ABL2: variants seen among roughly 807,000 people sequenced by gnomAD.
ABL2 encodes ABL proto-oncogene 2, non-receptor tyrosine kinase.
ABL2 carries 49 observed loss-of-function variants against 107.7 expected under a neutral mutation model. The observed-to-expected ratio is 0.45, with a 90% CI of 0.36 to 0.58. ABL2 has a LOEUF of 0.58. ABL2 is among the 20% of genes least tolerant of loss of function. The pLI is 0.00. For synonymous variants in ABL2, 549 were observed against 548.6 expected (o/e 1.00, Z -0.01); for missense variants, 1,245 against 1,457.0 (o/e 0.85, Z 2.37).
intron 1 of ABL2, among the ~76,000 whole-genome samples, chr1:179,149,767 T>C (rs1658250079): frequency 6.6e-6 from 1 of 152,248 alleles, no homozygotes; most frequent in African/African-American, 2.4e-5. Flanking sequence ...AAGCCCACTG[T>C]TGAGACCTAC....
chr1:179,201,768 A>G, intron 1 of ABL2: 2 of 863,274 alleles, frequency 2.3e-6, no homozygotes, highest in South Asian at 2.7e-5. Flanking sequence ...CAATAGGGAA[A>G]ATTATATCCA....
At chr1:179,149,424 G>A (rs1419700129) in intron 1 of ABL2, among the ~76,000 whole-genome samples, 1 of 152,218 alleles carries the variant, frequency 6.6e-6, no homozygotes, top group Non-Finnish European at 1.5e-5. Flanking sequence ...GCTGCAGCAA[G>A]TAAGAAAATC....
chr1:179,193,339 C>T (rs890250221), intron 1 of ABL2, among the ~76,000 whole-genome samples: 1 of 151,620 alleles, frequency 6.6e-6, no homozygotes, highest in Non-Finnish European at 1.5e-5. Context: ...AAATCAGTAA[C>T]TCAAACCAGC....
intron 9 of ABL2, among the ~76,000 whole-genome samples, chr1:179,113,140 C>T (rs976241912): frequency 2.3e-4 from 35 of 152,128 alleles, no homozygotes; most frequent in African/African-American, 6.5e-4. Context: ...TTTTGAACTC[C>T]TGAGCTCAAG....
chr1:179,197,777 G>A (rs1165177183), intron 1 of ABL2, among the ~76,000 whole-genome samples: 1 of 151,494 alleles, frequency 6.6e-6, no homozygotes, highest in African/African-American at 2.4e-5. Flanking sequence ...GCTAAGACAG[G>A]AGAATTGCTT....
intron 1 of ABL2, among the ~76,000 whole-genome samples, chr1:179,154,209 C>A (rs1484348518): frequency 6.6e-6 from 1 of 152,214 alleles, no homozygotes; most frequent in Non-Finnish European, 1.5e-5. Flanking sequence ...ATAATCCCCA[C>A]AAGTTCCCCA....
rs768551480 is a variant in ABL2 at position 179,109,030 on chromosome 1, G to A, written c.2237C>T (p.Ser746Phe). 1.9e-6 allele frequency: 3 copies of A among 1,612,618 alleles called. No individual in the cohort carries two copies. Among genetic ancestry groups the A allele is most frequent in the Non-Finnish European group, 2.5e-6 (3 of 1,179,892 alleles). The change falls in exon 12 of 12, where the codon TCT (serine) becomes TTT (phenylalanine). Residue 746 changes from serine (S) to phenylalanine (F), a missense_variant. Ser to Phe is a radical substitution (Grantham distance 155). This residue lies in a region of ABL2 where 761 missense variants were observed against 766.4 expected (regional missense o/e 0.99). Coordinates refer to ENST00000502732, the MANE Select transcript of ABL2 (RefSeq NM_007314.4). ...GGSGTAGGGW[S>F]GITGFFTPRL... ...TGGTGTAAAGAAGCCTGTGATGCCA[G>A]ACCACCCACCCCCAGCAGTGCCACT...
At chr1:179,200,121 A>C (rs181468323) in intron 1 of ABL2, among the ~76,000 whole-genome samples, 1 of 143,286 alleles carries the variant, frequency 7.0e-6, no homozygotes, top group East Asian at 2.0e-4. Flanking sequence ...GCCTTGGCTC[A>C]CTGCAACCTC....
At chr1:179,194,006 A>G (rs1661168443) in intron 1 of ABL2, among the ~76,000 whole-genome samples, 1 of 152,126 alleles carries the variant, frequency 6.6e-6, no homozygotes, top group Non-Finnish European at 1.5e-5. Flanking sequence ...TTTTCTTCCT[A>G]AGTACTGGAG....
chr1:179,122,292 A>T (rs1035183835), intron 4 of ABL2, among the ~76,000 whole-genome samples: 84 of 151,604 alleles, frequency 5.5e-4, no homozygotes, highest in African/African-American at 1.8e-3. Flanking sequence ...AAAAAAAAAA[A>T]AAAAAAATAT....
chr1:179,109,261 C>T lies in ABL2; in HGVS notation c.2006G>A (p.Ser669Asn). The T allele has an allele frequency of 6.2e-7, 1 of 1,614,060 alleles. No individual in the cohort carries two copies. The highest frequency in any genetic ancestry group is 8.5e-7 in the Non-Finnish European group (1 of 1,179,984). The change falls in exon 12 of 12, where the codon AGC becomes AAC. Residue 669 changes from serine (S) to asparagine (N), a missense_variant. Physicochemically the swap from Ser to Asn is conservative, Grantham distance 46. This residue lies in a region of ABL2 where 761 missense variants were observed against 766.4 expected (regional missense o/e 0.99). Coordinates refer to ENST00000502732, the MANE Select transcript of ABL2 (RefSeq NM_007314.4). The part of the protein sequence containing the change: ...KRNAPTPPKR[S>N]SSFREMENQP... ...ATTCTCCATTTCTCGGAAGGAGCTG[C>T]TGCGTTTGGGGGGTGTAGGAGCATT...
At chr1:179,140,235 A>G (rs1157127996) in intron 1 of ABL2, among the ~76,000 whole-genome samples, 2 of 152,134 alleles carry the variant, frequency 1.3e-5, no homozygotes, top group Non-Finnish European at 2.9e-5. Context: ...CATCAATGCT[A>G]TTGCTTGAAC....
chr1:179,193,182 A>G (rs74389459), intron 1 of ABL2, among the ~76,000 whole-genome samples: 3 of 152,076 alleles, frequency 2.0e-5, no homozygotes, highest in Non-Finnish European at 2.9e-5. Context: ...ATGTATCAAG[A>G]AAAAAAATAT....
At position 179,101,714 on chromosome 1, in the gene ABL2, C is replaced by A; in HGVS notation, c.*6004G>T. ...CATACTCAAGATAGAATACATACCT[C>A]AGAGAGGTGGCATGAAAAGCAGAAA... On this transcript the variant is annotated 3_prime_UTR_variant, in exon 12 of 12. Transcript: ENST00000502732. 5.5e-6 allele frequency: 1 copy of A among 183,368 alleles called. No homozygotes were observed. Among genetic ancestry groups the A allele is most frequent in the Non-Finnish European group, 1.2e-5 (1 of 86,168 alleles). The allele number at this position is 183,368 out of a possible 1,614,324, so 11.4% of individuals were successfully genotyped here. A position where few individuals can be genotyped will look rare whatever the true frequency, so the allele number is the denominator to read the frequency against.
Position 179,117,211 on chromosome 1 carries a change from T to G in ABL2, c.1408+121A>C. Reference sequence around the variant, plus strand: ...ATTTAACAAATGCTTGCTGAATAACTGAAGAAGAATGGCAGGTAAAGGTAG... The same window carrying G: ...ATTTAACAAATGCTTGCTGAATAACGGAAGAAGAATGGCAGGTAAAGGTAG... On this transcript the variant is annotated intron_variant, in intron 8 of 11. Coordinates refer to ENST00000502732, the MANE Select transcript of ABL2 (RefSeq NM_007314.4). 8 of 1,017,170 alleles carry G rather than the reference T, an allele frequency of 7.9e-6. No homozygotes were observed. In the South Asian group the frequency reaches 1.1e-4, roughly 14 times the overall value. The allele number at this position is 1,017,170 out of a possible 1,614,324, so 63.0% of individuals were successfully genotyped here.
intron 9 of ABL2, among the ~76,000 whole-genome samples, chr1:179,113,986 G>A (rs551013687): frequency 6.6e-6 from 1 of 152,120 alleles, no homozygotes; most frequent in Non-Finnish European, 1.5e-5. Flanking sequence ...CGGGCGTGGT[G>A]GCTCATGCCT....
intron 1 of ABL2, among the ~76,000 whole-genome samples, chr1:179,209,978 AATCCTCCC>A (rs1454213653): frequency 6.6e-6 from 1 of 152,140 alleles, no homozygotes; most frequent in East Asian, 1.9e-4. Context: ...GGGCTCAAGC[AATCCTCCC>A]AACTCAGCCT....
chr1:179,118,539 T>C, intron 7 of ABL2, 48 bp downstream of exon 7: 1 of 1,559,002 alleles, frequency 6.4e-7, no homozygotes, highest in Non-Finnish European at 8.7e-7. Flanking sequence ...TTTATCTGCA[T>C]GTCAAGCAAG....
chr1:179,188,079 C>A (rs1026815387), intron 1 of ABL2, among the ~76,000 whole-genome samples: 1 of 152,188 alleles, frequency 6.6e-6, no homozygotes, highest in Admixed American at 6.5e-5. Flanking sequence ...GCCTCTTCTG[C>A]CATTCTGGAA....
Sources: gnomAD v4.1 joint callset for allele counts (sites outside exome capture counted in the v4.1 genomes callset) on GRCh38, gnomAD v4.1.1 for gene constraint, gnomAD v4.1.1 regional missense constraint, MANE v1.5 for transcripts, NCBI Gene and HGNC (gene_info 2026-07-23, HGNC 2026-07-21) for gene names.